TTC28: variants seen among roughly 807,000 people sequenced by gnomAD.
The protein encoded by TTC28 is tetratricopeptide repeat protein 28.
A neutral mutation model predicts 198.0 loss-of-function variants in TTC28; 61 were observed. That is an observed-to-expected ratio of 0.31 (90% CI 0.25 to 0.38). The LOEUF (loss-of-function observed/expected upper bound fraction) is 0.38. Ranked by LOEUF, TTC28 falls within the 10% of genes least tolerant of loss-of-function variation. The probability of loss-of-function intolerance (pLI) is 1.00; values close to 1 mark genes in which losing one functional copy is unlikely to be tolerated. For synonymous variants in TTC28, 1,171 were observed against 1,297.8 expected, an observed-to-expected ratio of 0.90 and a Z score of 2.10; for missense variants, 2,678 against 3,164.0, an observed-to-expected ratio of 0.85 and a Z score of 3.69.
chr22:28,028,773 C>G (rs1938947547), intron 13 of TTC28: 1 of 317,468 alleles, frequency 3.1e-6, no homozygotes, highest in African/African-American at 2.2e-5. Context: ...CAGAAACCCA[C>G]CAGTTGTTCA....
At chr22:28,054,469 A>G (rs919583297) in intron 12 of TTC28, among the ~76,000 whole-genome samples, 5 of 152,166 alleles carry the variant, frequency 3.3e-5, no homozygotes, top group Non-Finnish European at 7.3e-5. Context: ...GGTTTGAGCC[A>G]TGTCTTTGGC....
At chr22:28,263,396 A>G (rs1931459289) in intron 5 of TTC28, among the ~76,000 whole-genome samples, 1 of 152,134 alleles carries the variant, frequency 6.6e-6, no homozygotes, top group African/African-American at 2.4e-5. Flanking sequence ...ATTACATACA[A>G]CAGCCCAAAA....
At chr22:28,050,008 T>C (rs1366945143) in intron 12 of TTC28, among the ~76,000 whole-genome samples, 1 of 152,130 alleles carries the variant, frequency 6.6e-6, no homozygotes, top group Non-Finnish European at 1.5e-5. Context: ...TGAAGTCAAT[T>C]ACTGAGTGTC....
chr22:28,475,178 A>G (rs1277730765), intron 2 of TTC28, among the ~76,000 whole-genome samples: 3 of 150,582 alleles, frequency 2.0e-5, no homozygotes, highest in Non-Finnish European at 4.4e-5. Context: ...AAAAAGAAAG[A>G]AAAGAAAAGA....
chr22:27,983,305 G>A lies in TTC28; in HGVS notation c.6362C>T (p.Pro2121Leu). 5.2e-6 allele frequency: 8 copies of A among 1,552,066 alleles called. No individual in the cohort carries two copies. The highest frequency in any genetic ancestry group is 6.1e-6 in the Non-Finnish European group (7 of 1,147,102). ...TGCTAGTTTTCCCACCTTTTGGAAG[G>A]GTGAGTTGGGGCTGGGAATCAGAGT... ...KMTLIPSPNSPFQKVGKLASS... is the reference protein window; with the variant it reads ...KMTLIPSPNSLFQKVGKLASS... The change falls in exon 23 of 23, where the codon CCC (proline) becomes CTC (leucine). Residue 2121 changes from proline (P) to leucine (L), a missense_variant. Physicochemically the swap from Pro to Leu is moderately conservative, Grantham distance 98. Coordinates refer to ENST00000397906, the MANE Select transcript of TTC28 (RefSeq NM_001145418.2).
At chr22:28,479,704 C>T (rs543152037) in intron 2 of TTC28, among the ~76,000 whole-genome samples, 1 of 152,164 alleles carries the variant, frequency 6.6e-6, no homozygotes, top group Non-Finnish European at 1.5e-5. Flanking sequence ...TATATATTCA[C>T]TGATACTAAC....
At chr22:28,383,897 T>C (rs1027739006) in intron 2 of TTC28, among the ~76,000 whole-genome samples, 1 of 152,356 alleles carries the variant, frequency 6.6e-6, no homozygotes, top group Admixed American at 6.5e-5. Context: ...GATGTCCTCC[T>C]ATTAGAGTAA....
At chr22:28,093,971 A>G (rs1345532604) in intron 12 of TTC28, 109 bp downstream of exon 12, 1 of 1,207,022 alleles carries the variant, frequency 8.3e-7, no homozygotes, top group Non-Finnish European at 1.1e-6. Context: ...ACTGAGCGCA[A>G]CTACATGAAT....
At chr22:28,374,663 C>T (rs890975797) in intron 2 of TTC28, among the ~76,000 whole-genome samples, 1 of 152,126 alleles carries the variant, frequency 6.6e-6, no homozygotes, top group Non-Finnish European at 1.5e-5. Flanking sequence ...AAGTGATATA[C>T]AAATATTAAG....
At chr22:28,192,984 A>G (rs1050645691) in intron 5 of TTC28, among the ~76,000 whole-genome samples, 2 of 152,162 alleles carry the variant, frequency 1.3e-5, no homozygotes, top group African/African-American at 4.8e-5. Context: ...CAAGACACAT[A>G]TTGTCAGATT....
intron 2 of TTC28, among the ~76,000 whole-genome samples, chr22:28,583,323 T>C (rs891483175): frequency 2.6e-5 from 4 of 152,170 alleles, no homozygotes; most frequent in African/African-American, 9.7e-5. Context: ...TAAGTAAAAG[T>C]TATAAATGTG....
chr22:28,025,670 C>A (rs1427234087), intron 13 of TTC28, among the ~76,000 whole-genome samples: 1 of 152,138 alleles, frequency 6.6e-6, no homozygotes, highest in Non-Finnish European at 1.5e-5. Context: ...CTTGAGCCAG[C>A]CTGGGCCACA....
At position 28,297,788 on chromosome 22, in the gene TTC28, G is replaced by C. The variant is rs146824423; in HGVS notation, c.594C>G (p.Val198=). Residue 198 remains valine, a synonymous_variant, in exon 4 of 23, where the codon GTC becomes GTG. Transcript: ENST00000397906. ...KMKLDKSPFV[V]VSVVGQELLT... is the part of the protein sequence containing the mutation. ...GGAGTTCCTGCCCAACCACAGACACGACCACAAAGGGACTCTTGTCCAGTT... is the reference window on the plus strand; with the variant it reads ...GGAGTTCCTGCCCAACCACAGACACCACCACAAAGGGACTCTTGTCCAGTT... The C allele has an allele frequency of 5.3e-5, 83 of 1,551,622 alleles. No individual in the cohort carries two copies. The highest frequency in any genetic ancestry group is 6.8e-5 in the Non-Finnish European group (78 of 1,146,994).
chr22:28,550,898 C>G (rs919898038), intron 2 of TTC28, among the ~76,000 whole-genome samples: 7 of 152,094 alleles, frequency 4.6e-5, no homozygotes, highest in Non-Finnish European at 7.4e-5. Flanking sequence ...CAAAAGCAAG[C>G]AGGAACAACT....
At chr22:28,641,233 G>A (rs975057379) in intron 1 of TTC28, among the ~76,000 whole-genome samples, 6 of 151,910 alleles carry the variant, frequency 3.9e-5, no homozygotes, top group African/African-American at 1.4e-4. Context: ...CTGAGGCAGG[G>A]GAATCACTTG....
intron 2 of TTC28, among the ~76,000 whole-genome samples, chr22:28,558,114 G>C (rs1334891432): frequency 6.6e-6 from 1 of 152,160 alleles, no homozygotes; most frequent in Non-Finnish European, 1.5e-5. Context: ...TCAGTGGTTT[G>C]TTGTGAAAGG....
At chr22:28,475,231 T>G (rs2048148056) in intron 2 of TTC28, among the ~76,000 whole-genome samples, 1 of 151,898 alleles carries the variant, frequency 6.6e-6, no homozygotes, top group Admixed American at 6.6e-5. Flanking sequence ...ATTTAGCTGT[T>G]TATTCCAGTT....
At chr22:28,262,924 G>A (rs1196966540) in intron 5 of TTC28, among the ~76,000 whole-genome samples, 8 of 152,136 alleles carry the variant, frequency 5.3e-5, no homozygotes, top group Admixed American at 5.2e-4. Context: ...GAACAGAGTG[G>A]AAGCGAAGCT....
chr22:28,462,735 C>G (rs973275376), intron 2 of TTC28, among the ~76,000 whole-genome samples: 1 of 152,110 alleles, frequency 6.6e-6, no homozygotes, highest in East Asian at 1.9e-4. Context: ...GCATCTCATT[C>G]CCCATTTGAA....
Sources: gnomAD v4.1 joint callset for allele counts (sites outside exome capture counted in the v4.1 genomes callset) on GRCh38, gnomAD v4.1.1 for gene constraint, MANE v1.5 for transcripts, NCBI Gene and HGNC (gene_info 2026-07-23, HGNC 2026-07-21) for gene names.